FOXK2: variants seen among roughly 807,000 people sequenced by gnomAD.
FOXK2 encodes forkhead box K2.
In FOXK2, 24 loss-of-function variants were observed where a neutral mutation model predicts 53.3. That is an observed-to-expected ratio of 0.45 (90% CI 0.33 to 0.63). The LOEUF (loss-of-function observed/expected upper bound fraction) is 0.63, where lower values mean the gene tolerates loss of function less well. FOXK2 is among the 30% of genes least tolerant of loss of function. FOXK2 has a pLI of 0.03. For synonymous variants in FOXK2, 505 were observed against 407.1 expected, an observed-to-expected ratio of 1.24 and a Z score of -2.89; for missense variants, 952 against 910.5, an observed-to-expected ratio of 1.05 and a Z score of -0.59.
At position 82,586,203 on chromosome 17, in the gene FOXK2, A is replaced by C; in HGVS notation, c.1576+3A>C. 6.8e-7 allele frequency: 1 copy of C among 1,471,136 alleles called. No homozygotes were observed. The highest frequency in any genetic ancestry group is 9.0e-7 in the Non-Finnish European group (1 of 1,115,626). The allele number at this position is 1,471,136 out of a possible 1,614,324, so 91.1% of individuals were successfully genotyped here. A position where few individuals can be genotyped will look rare whatever the true frequency, so the allele number is the denominator to read the frequency against. On this transcript the variant is annotated splice_donor_region_variant and intron_variant, in intron 7 of 8. Coordinates refer to ENST00000335255, the MANE Select transcript of FOXK2 (RefSeq NM_004514.4). ...TGGAGACCACAGGGAAGTCAAAGGT[A>C]GGCGGAGGGGAAAGGAGGAGAGGGG...
chr17:82,578,438 GA>G, intron 4 of FOXK2: 1 of 152,312 alleles, frequency 6.6e-6, no homozygotes, highest in South Asian at 2.1e-4. Flanking sequence ...CGTTTTCTCT[GA>G]AAGCTTTAAA....
At chr17:82,570,517 T>C (rs76345447) in intron 3 of FOXK2, among the ~76,000 whole-genome samples, 1 of 152,114 alleles carries the variant, frequency 6.6e-6, no homozygotes, top group African/African-American at 2.4e-5. Flanking sequence ...CAAACGTCCC[T>C]CTGCCCACTC....
rs1195941057 is a variant in FOXK2 at position 82,586,324 on chromosome 17, G to A, written c.1576+124G>A. On this transcript the variant is annotated intron_variant, in intron 7 of 8. Transcript: ENST00000335255. ...GTGGGCCGGGGGGGAAAGGAGGAGA[G>A]GGGAGACCACAGGGAGGTCAAAGGT... The A allele has an allele frequency of 1.1e-4, 55 of 494,672 alleles. 10 individuals carry two copies. Among genetic ancestry groups the A allele is most frequent in the East Asian group, 9.5e-4 (24 of 25,206 alleles). 30.6% of individuals were successfully genotyped at this position (494,672 alleles called of 1,614,324 possible). A position where few individuals can be genotyped will look rare whatever the true frequency, so the allele number is the denominator to read the frequency against.
chr17:82,565,160 T>C (rs916112264), intron 2 of FOXK2, among the ~76,000 whole-genome samples: 1 of 152,152 alleles, frequency 6.6e-6, no homozygotes, highest in Non-Finnish European at 1.5e-5. Flanking sequence ...TTATACCGTG[T>C]GCAAAAATTA....
Position 82,568,135 on chromosome 17 carries a change from C to A in FOXK2, c.696C>A (p.Leu232=). The change falls in exon 3 of 9, where the codon CTC becomes CTA. Residue 232 remains leucine (L), a synonymous_variant. Coordinates refer to ENST00000335255, the MANE Select transcript of FOXK2 (RefSeq NM_004514.4). ...TGGGCCGAGTGATGCCATCTGACCT[C>A]AATTTAATGGCTGACAACTCACAGC... ...YKVGRVMPSD[L]NLMADNSQPE... is the part of the protein sequence containing the mutation. The A allele has an allele frequency of 6.2e-7, 1 of 1,613,860 alleles. No homozygotes were observed. Among genetic ancestry groups the A allele is most frequent in the Non-Finnish European group, 8.5e-7 (1 of 1,179,990 alleles).
rs745856397 is a variant in FOXK2 at position 82,587,063 on chromosome 17, T to C, written c.1577T>C (p.Val526Ala). 6 of 1,612,460 alleles carry C rather than the reference T, an allele frequency of 3.7e-6. No homozygotes were observed. Among genetic ancestry groups the C allele is most frequent in the Non-Finnish European group, 5.1e-6 (6 of 1,179,674 alleles). Residue 526 changes from valine to alanine, a missense_variant and splice_region_variant, in exon 8 of 9, where the codon GTG becomes GCG. This residue lies in a region of FOXK2 where 551 missense variants were observed against 385.1 expected (regional missense o/e 1.43). Coordinates refer to ENST00000335255, the MANE Select transcript of FOXK2 (RefSeq NM_004514.4). ...GTCGTTTCTTTTCCTTTAATTTCAG[T>C]GAAAGTAGAGCCTATTCCCGCCATT... is the stretch of plus-strand genomic sequence containing the variant. ...QENGDHREVK[V>A]KVEPIPAIGH...
intron 8 of FOXK2, among the ~76,000 whole-genome samples, chr17:82,588,895 A>AAC (rs922910770): frequency 6.6e-6 from 1 of 151,288 alleles, no homozygotes; most frequent in Non-Finnish European, 1.5e-5. Flanking sequence ...CTAAAAAAAA[A>AAC]AAAAAAAAAA....
chr17:82,524,307 T>G (rs1362325030), intron 1 of FOXK2, among the ~76,000 whole-genome samples: 1 of 152,264 alleles, frequency 6.6e-6, no homozygotes, highest in Non-Finnish European at 1.5e-5. Flanking sequence ...CCACAATGAT[T>G]TTATTCAAAT....
intron 1 of FOXK2, among the ~76,000 whole-genome samples, chr17:82,555,899 A>G (rs1449449399): frequency 1.6e-5 from 1 of 60,640 alleles, no homozygotes; most frequent in East Asian, 5.2e-4. Flanking sequence ...AAAAAAAAAA[A>G]AAAAAAAAAA....
chr17:82,586,050 C>G lies in FOXK2; in HGVS notation c.1426C>G (p.Gln476Glu), dbSNP rs2045137484. 1 of 1,612,708 alleles carries G rather than the reference C, an allele frequency of 6.2e-7. No homozygotes were observed. The change falls in exon 7 of 9, where the codon CAG (glutamine) becomes GAG (glutamate). Residue 476 changes from glutamine (Q) to glutamate (E), a missense_variant. Transcript: ENST00000335255. ...CGTGCAGACGGTTCACGTCGTCCAC[C>G]AGATCCCAGCGGTGTCGGTCACCAG... ...PVVQTVHVVH[Q>E]IPAVSVTSVA...
At chr17:82,568,265 GTCACCTGCCTGTCAC>G (rs2044874444) in intron 3 of FOXK2, 64 bp downstream of exon 3, 4 of 1,575,194 alleles carry the variant, frequency 2.5e-6, no homozygotes, top group African/African-American at 2.7e-5. Context: ...GGCCCTCAAT[GTCACCTGCCTGTCAC>G]TCACCTGCCT....
rs1003823959 is a variant in FOXK2 at position 82,521,326 on chromosome 17, C to T, written c.419+1019C>T. On this transcript the variant is annotated intron_variant, in intron 1 of 8. Coordinates refer to ENST00000335255, the MANE Select transcript of FOXK2 (RefSeq NM_004514.4). ...TAGCTGGGATTACAGGCGCCTGCCA[C>T]CGCGCCCGGCTAATTTTTTGTATTT... Among the ~76,000 whole-genome samples the T allele has an allele frequency of 4.6e-5, 7 of 152,142 alleles. 1 individual carries two copies. Among genetic ancestry groups the T allele is most frequent in the Admixed American group, 4.6e-4 (7 of 15,274 alleles).
intron 1 of FOXK2, among the ~76,000 whole-genome samples, chr17:82,545,000 G>A (rs1189299529): frequency 5.3e-5 from 8 of 151,948 alleles, no homozygotes; most frequent in East Asian, 3.9e-4. Context: ...GATCTGCCCC[G>A]TCTGTCCTAC....
At chr17:82,531,166 A>G (rs2044469160) in intron 1 of FOXK2, among the ~76,000 whole-genome samples, 1 of 152,068 alleles carries the variant, frequency 6.6e-6, no homozygotes, top group Non-Finnish European at 1.5e-5. Flanking sequence ...TACATTGTAC[A>G]CTTCCTGGGG....
intron 3 of FOXK2, among the ~76,000 whole-genome samples, chr17:82,568,705 G>C (rs1297444729): frequency 1.3e-5 from 2 of 152,204 alleles, no homozygotes; most frequent in South Asian, 2.1e-4. Context: ...ATGGATGAAA[G>C]TTTGTATAAA....
Position 82,520,123 on chromosome 17 carries a change from C to G in FOXK2, c.235C>G (p.His79Asp). 6.6e-7 allele frequency: 1 copy of G among 1,522,238 alleles called. No homozygotes were observed. The highest frequency in any genetic ancestry group is 8.8e-7 in the Non-Finnish European group (1 of 1,138,068). 94.3% of individuals were successfully genotyped at this position (1,522,238 alleles called of 1,614,324 possible). The stretch of plus-strand genomic sequence containing the variant: ...CCACTCGAGCTTCATCTCCCGGCGC[C>G]ACCTCGAGATCTTCACGCCCCCGGG... Reference protein sequence around the residue: ...MGHSSFISRRHLEIFTPPGGG... With the variant: ...MGHSSFISRRDLEIFTPPGGG... Residue 79 changes from histidine (H) to aspartate (D), a missense_variant, in exon 1 of 9, where the codon CAC becomes GAC. Coordinates refer to ENST00000335255, the MANE Select transcript of FOXK2 (RefSeq NM_004514.4).
rs2044819916 is a variant in FOXK2 at position 82,563,493 on chromosome 17, C to T, written c.559C>T (p.Pro187Ser). The change falls in exon 2 of 9, where the codon CCA becomes TCA. Residue 187 changes from proline to serine, a missense_variant. Physicochemically the swap from Pro to Ser is moderately conservative, Grantham distance 74 (BLOSUM62 -1). This residue lies in a region of FOXK2 where 76 missense variants were observed against 128.2 expected (regional missense o/e 0.59). Coordinates refer to ENST00000335255, the MANE Select transcript of FOXK2 (RefSeq NM_004514.4). ...CATCTCGCCCCTGACCATCAACATT[C>T]CAGACACCATGGCCCACCTCATCAG... ...PHISPLTINI[P>S]DTMAHLISPL... The T allele has an allele frequency of 1.2e-6, 2 of 1,614,004 alleles. No homozygotes were observed. Among genetic ancestry groups the T allele is most frequent in the South Asian group, 1.1e-5 (1 of 91,080 alleles).
Position 82,558,320 on chromosome 17 carries a change from G to A in FOXK2, c.420-5034G>A, listed in dbSNP as rs116456423. ...GTTGCTGCACTCCAACCTGGGCTAC[G>A]GAGCGAGACCCTGCCTGAAAACGAA... On this transcript the variant is annotated intron_variant, in intron 1 of 8. Coordinates refer to ENST00000335255, the MANE Select transcript of FOXK2 (RefSeq NM_004514.4). Among the ~76,000 whole-genome samples the A allele has an allele frequency of 3.2e-4, 48 of 152,296 alleles. 1 individual carries two copies. The highest frequency in any genetic ancestry group is 3.4e-3 in the Middle Eastern group (1 of 294).
chr17:82,567,574 T>C (rs987725015), intron 2 of FOXK2, among the ~76,000 whole-genome samples: 1 of 152,200 alleles, frequency 6.6e-6, no homozygotes, highest in African/African-American at 2.4e-5. Flanking sequence ...GTGGAACCGC[T>C]TGCTCCACTT....
Sources: allele counts gnomAD v4.1 joint callset (sites outside exome capture counted in the v4.1 genomes callset), GRCh38; gene constraint gnomAD v4.1.1; regional missense constraint gnomAD v4.1.1; transcripts MANE v1.5; gene names NCBI Gene and HGNC (gene_info 2026-07-23, HGNC 2026-07-21).